Variants in RANBP9 observed in about 807,000 individuals in gnomAD.
RANBP9 encodes the protein RAN binding protein 9, also known as ran-binding protein 9.
Under a neutral mutation model 84.3 loss-of-function variants are expected in RANBP9, and 15 were observed. That is an observed-to-expected ratio of 0.18 (90% CI 0.12 to 0.27). RANBP9 has a LOEUF of 0.27. RANBP9 is among the 10% of genes least tolerant of loss of function. The probability of loss-of-function intolerance (pLI) is 1.00; values close to 1 mark genes in which losing one functional copy is unlikely to be tolerated. For missense variants in RANBP9, 809 were observed against 912.8 expected (o/e 0.89, Z 1.46); for synonymous variants, 392 against 349.6 (o/e 1.12, Z -1.35).
intron 2 of RANBP9, among the ~76,000 whole-genome samples, chr6:13,671,569 T>C (rs1012766315): frequency 1.2e-4 from 19 of 152,192 alleles, no homozygotes; most frequent in Admixed American, 1.0e-3. Context: ...TATAATTCCA[T>C]TTATATGAAA....
At chr6:13,654,275 G>T (rs943515862) in intron 4 of RANBP9, among the ~76,000 whole-genome samples, 1 of 152,100 alleles carries the variant, frequency 6.6e-6, no homozygotes, top group African/African-American at 2.4e-5. Flanking sequence ...TACACAGAAA[G>T]CAATTTTCTA....
chr6:13,639,863 G>A, intron 8 of RANBP9, 110 bp from the exon 9 acceptor site: 1 of 910,868 alleles, frequency 1.1e-6, no homozygotes, highest in South Asian at 1.9e-5. Flanking sequence ...CAGTAGGATT[G>A]GTCTTTAGTA....
At chr6:13,673,668 G>A (rs1378041460) in intron 2 of RANBP9, among the ~76,000 whole-genome samples, 1 of 152,142 alleles carries the variant, frequency 6.6e-6, no homozygotes, top group African/African-American at 2.4e-5. Context: ...GTGAAGCAGT[G>A]TAAATGGTAT....
chr6:13,622,681 G>A (rs1764484363), intron 13 of RANBP9, among the ~76,000 whole-genome samples, 189 bp from the exon 14 acceptor site: 1 of 152,164 alleles, frequency 6.6e-6, no homozygotes, highest in African/African-American at 2.4e-5. Flanking sequence ...AAGGTAGTGT[G>A]GGTATTGTGT....
intron 8 of RANBP9, among the ~76,000 whole-genome samples, chr6:13,640,713 T>C (rs984905077): frequency 2.0e-5 from 3 of 152,190 alleles, no homozygotes; most frequent in East Asian, 3.8e-4. Context: ...AGGCAAAATG[T>C]AGAATGGTGG....
chr6:13,662,457 A>G (rs185477246), intron 2 of RANBP9, among the ~76,000 whole-genome samples: 67 of 152,294 alleles, frequency 4.4e-4, no homozygotes, highest in African/African-American at 1.5e-3. Flanking sequence ...TATGGTCTGA[A>G]TGCGTGTGTC....
chr6:13,626,113 A>G lies in RANBP9; in HGVS notation c.1948-349T>C, dbSNP rs975773496. Reference sequence around the variant, plus strand: ...TTTACTTCACAATTTATTACTACTGATATGAATGTGACAGTCAAAGGACAG... The same window carrying G: ...TTTACTTCACAATTTATTACTACTGGTATGAATGTGACAGTCAAAGGACAG... On this transcript the variant is annotated intron_variant, in intron 12 of 13. Coordinates refer to ENST00000011619, the MANE Select transcript of RANBP9 (RefSeq NM_005493.3). 2.0e-5 allele frequency among the ~76,000 whole-genome samples: 3 copies of G among 152,216 alleles called. No individual in the cohort carries two copies. In the South Asian group the frequency reaches 6.2e-4, roughly 32 times the overall value.
chr6:13,622,636 A>G (rs776081800), intron 13 of RANBP9, 144 bp from the exon 14 acceptor site: 34 of 867,598 alleles, frequency 3.9e-5, no homozygotes, highest in Non-Finnish European at 5.5e-5. Context: ...TTTCTAAGCA[A>G]AAGACAGATG....
At chr6:13,678,346 C>A (rs914938549) in intron 2 of RANBP9, among the ~76,000 whole-genome samples, 34 of 152,294 alleles carry the variant, frequency 2.2e-4, no homozygotes, top group African/African-American at 7.7e-4. Flanking sequence ...CTTCAGCTGG[C>A]CACTGCATTT....
At chr6:13,686,457 G>C (rs1766192099) in intron 2 of RANBP9, among the ~76,000 whole-genome samples, 1 of 151,206 alleles carries the variant, frequency 6.6e-6, no homozygotes, top group African/African-American at 2.4e-5. Context: ...CTATTTTTTT[G>C]TATTTTGGGT....
intron 2 of RANBP9, among the ~76,000 whole-genome samples, chr6:13,672,312 T>TA: frequency 6.6e-6 from 1 of 152,224 alleles, no homozygotes; most frequent in East Asian, 1.9e-4. Flanking sequence ...TCTGGTCCAC[T>TA]AAAAAACCCA....
At chr6:13,628,766 T>C (rs1029012903) in intron 12 of RANBP9, among the ~76,000 whole-genome samples, 2 of 152,242 alleles carry the variant, frequency 1.3e-5, no homozygotes, top group Non-Finnish European at 2.9e-5. Context: ...CTGGTGATGA[T>C]AACCAAAGAA....
At chr6:13,704,951 CTATTT>C (rs1335454387) in intron 1 of RANBP9, among the ~76,000 whole-genome samples, 3 of 152,108 alleles carry the variant, frequency 2.0e-5, no homozygotes, top group Non-Finnish European at 4.4e-5. Flanking sequence ...CCTTACTACT[CTATTT>C]TATGTCCTCT....
intron 1 of RANBP9, among the ~76,000 whole-genome samples, chr6:13,706,115 G>A (rs1758111768): frequency 6.6e-6 from 1 of 152,006 alleles, no homozygotes; most frequent in Non-Finnish European, 1.5e-5. Context: ...AGGCCGAGGC[G>A]AGTGGATCAC....
At chr6:13,679,272 T>C (rs532188737) in intron 2 of RANBP9, among the ~76,000 whole-genome samples, 1 of 152,308 alleles carries the variant, frequency 6.6e-6, no homozygotes, top group African/African-American at 2.4e-5. Context: ...CGAAGAGCTA[T>C]AAAAATATAA....
At chr6:13,641,515 A>AT (rs60315436) in intron 7 of RANBP9, among the ~76,000 whole-genome samples, 16 of 151,372 alleles carry the variant, frequency 1.1e-4, no homozygotes, top group Admixed American at 2.0e-4. Flanking sequence ...ACGGTCACAA[A>AT]TTTTTTTTTT....
chr6:13,686,607 T>C (rs1169197284), intron 2 of RANBP9, among the ~76,000 whole-genome samples: 1 of 152,138 alleles, frequency 6.6e-6, no homozygotes, highest in Non-Finnish European at 1.5e-5. Flanking sequence ...TCTCGCTTTG[T>C]TGCCCAAGCT....
At chr6:13,699,753 T>G (rs949831220) in intron 1 of RANBP9, among the ~76,000 whole-genome samples, 3 of 151,970 alleles carry the variant, frequency 2.0e-5, no homozygotes, top group Non-Finnish European at 4.4e-5. Context: ...TCCCAGCTAC[T>G]CAGGAGGCTG....
chr6:13,639,370 G>C lies in RANBP9; in HGVS notation c.1525+193C>G, dbSNP rs983898736. 2.6e-5 allele frequency among the ~76,000 whole-genome samples: 4 copies of C among 151,998 alleles called. No homozygotes were observed. The South Asian group carries it at 8.3e-4, about 32-fold the overall frequency. On this transcript the variant is annotated intron_variant, in intron 9 of 13. Coordinates refer to ENST00000011619, the MANE Select transcript of RANBP9 (RefSeq NM_005493.3). ...ATTTTTGTATTTTTAGTAGAGATGG[G>C]GTTATCACCATGTTGGCCAGGCTGG...
Sources: allele counts gnomAD v4.1 joint callset (sites outside exome capture counted in the v4.1 genomes callset), GRCh38; gene constraint gnomAD v4.1.1; transcripts MANE v1.5; gene names NCBI Gene and HGNC (gene_info 2026-07-23, HGNC 2026-07-21).